PODNL1: variants seen among roughly 807,000 people sequenced by gnomAD.
PODNL1 encodes the protein podocan like 1, also known as podocan-like protein 1.
Under a neutral mutation model 45.1 loss-of-function variants are expected in PODNL1, and 50 were observed. The observed-to-expected ratio is 1.11, with a 90% CI of 0.88 to 1.40. The LOEUF (loss-of-function observed/expected upper bound fraction) is 1.40. PODNL1 is among the 40% of genes most tolerant of loss of function. PODNL1 has a pLI of 0.00. For missense variants in PODNL1, 788 were observed against 793.3 expected (o/e 0.99, Z 0.08); for synonymous variants, 406 against 372.5 (o/e 1.09, Z -1.04).
rs573192102 is a variant in PODNL1 at position 13,950,313 on chromosome 19, G to A, written c.18+2806C>T. On this transcript the variant is annotated intron_variant, in intron 1 of 7. Transcript: ENST00000538371. ...CTCCCGAGTGGCTGAAACTATAGGC[G>A]TGTGCCAGTAGAGTCAGTGAATTTC... 1.8e-4 allele frequency among the ~76,000 whole-genome samples: 27 copies of A among 152,242 alleles called. No homozygotes were observed. The South Asian group carries it at 4.6e-3, about 26-fold the overall frequency.
In PODNL1 at chr19:13,936,014, G is replaced by T. The variant is rs1002465907; in HGVS notation, c.350C>A (p.Thr117Asn). Residue 117 changes from threonine to asparagine, a missense_variant, in exon 4 of 10, where the codon ACC (threonine) becomes AAC (asparagine). Physicochemically the swap from Thr to Asn is moderately conservative, Grantham distance 65. Around this residue, in one of 3 missense-constraint regions of PODNL1, gnomAD observed 762 missense variants for 750.9 expected, o/e 1.01. Transcript: ENST00000588872. ...AGCCACGCAGAGGTGCTGCAGCTGGGTGAGGGACTCGAAGGCCTCGTCAGG... is the reference window on the plus strand; with the variant it reads ...AGCCACGCAGAGGTGCTGCAGCTGGTTGAGGGACTCGAAGGCCTCGTCAGG... ...GLPDEAFESL[T>N]QLQHLCVAHN... The T allele has an allele frequency of 6.4e-5, 99 of 1,552,858 alleles. No homozygotes were observed. Among genetic ancestry groups the T allele is most frequent in the Non-Finnish European group, 8.1e-5 (93 of 1,149,040 alleles).
intron 5 of PODNL1, 38 bp downstream of exon 5, chr19:13,935,681 GTA>G: frequency 7.1e-7 from 1 of 1,414,810 alleles, no homozygotes; most frequent in Non-Finnish European, 9.5e-7. Flanking sequence ...TGACACAGAT[GTA>G]TCTGAGGCCT....
At chr19:13,947,545 A>T (rs1972865123) in intron 1 of PODNL1, among the ~76,000 whole-genome samples, 1 of 152,160 alleles carries the variant, frequency 6.6e-6, no homozygotes, top group Non-Finnish European at 1.5e-5. Context: ...GTGTCCACCA[A>T]GAATTGGGGA....
chr19:13,937,862 T>C lies in PODNL1; in HGVS notation c.148A>G (p.Thr50Ala), dbSNP rs1483366014. 6.3e-7 allele frequency: 1 copy of C among 1,590,790 alleles called. No homozygotes were observed. The highest frequency in any genetic ancestry group is 1.8e-5 in the Admixed American group (1 of 55,222). ...PLRCSCPRVD[T>A]VDCDGLDLRV... ...AGGTCCAAGCCATCACAGTCCACAGTGTCGACTCGGGGGCAGGAGCAGCGC... is the reference window on the plus strand; with the variant it reads ...AGGTCCAAGCCATCACAGTCCACAGCGTCGACTCGGGGGCAGGAGCAGCGC... The change falls in exon 2 of 10, where the codon ACT becomes GCT. Residue 50 changes from threonine (T) to alanine (A), a missense_variant. Physicochemically the swap from Thr to Ala is moderately conservative, Grantham distance 58. Coordinates refer to ENST00000588872, the MANE Select transcript of PODNL1 (RefSeq NM_001370095.3).
At chr19:13,953,120 T>G (rs1486629647) in exon 1 of PODNL1, 2 of 1,549,922 alleles carry the variant, frequency 1.3e-6, no homozygotes, top group Admixed American at 3.9e-5. Flanking sequence ...TTCCAGTACC[T>G]GGGTGGGCCT....
At chr19:13,952,471 C>T (rs1973090861) in intron 1 of PODNL1, 1 of 1,246,642 alleles carries the variant, frequency 8.0e-7, no homozygotes, top group Non-Finnish European at 1.0e-6. Flanking sequence ...AGGGGTGGGG[C>T]GAAGGGGCCG....
Position 13,938,271 on chromosome 19 carries a change from G to A in PODNL1, c.-90C>T. The A allele has an allele frequency of 1.3e-6, 2 of 1,517,660 alleles. No individual in the cohort carries two copies. The highest frequency in any genetic ancestry group is 1.8e-6 in the Non-Finnish European group (2 of 1,134,528). The allele number at this position is 1,517,660 out of a possible 1,614,324, so 94.0% of individuals were successfully genotyped here. A position where few individuals can be genotyped will look rare whatever the true frequency, so the allele number is the denominator to read the frequency against. The stretch of plus-strand genomic sequence containing the variant: ...GGTCACCTCCTGGAGCCTCTGCTGT[G>A]GCCACCACCGCCCCCCATCTCCAGA... On this transcript the variant is annotated 5_prime_UTR_variant, in exon 1 of 10. Transcript: ENST00000588872.
chr19:13,932,198 C>A, intron 8 of PODNL1, 86 bp from the exon 9 acceptor site: 1 of 1,236,704 alleles, frequency 8.1e-7, no homozygotes, highest in Non-Finnish European at 1.0e-6. Context: ...CTGAGAGTCC[C>A]CTGCCCCCTT....
chr19:13,935,134 G>A (rs1382615921), intron 5 of PODNL1, among the ~76,000 whole-genome samples: 1 of 149,968 alleles, frequency 6.7e-6, no homozygotes, highest in Non-Finnish European at 1.5e-5. Flanking sequence ...GTGTATGTGA[G>A]TCTGTGTAAG....
chr19:13,933,244 G>T lies in PODNL1; in HGVS notation c.979C>A (p.Arg327=), dbSNP rs997881805. ...GSSGLPAGAL[R]PLRGLHTLHL... ...AGCGTGTGCAGGCCCCGCAGCGGCC[G>T]CAGAGCCCCGGCGGGCAGCCCTGAG... The change falls in exon 8 of 10, where the codon CGG becomes AGG. Residue 327 remains arginine, a synonymous_variant. Coordinates refer to ENST00000588872, the MANE Select transcript of PODNL1 (RefSeq NM_001370095.3). This position sits in a 1 kb window ranked among gnomAD's most constrained non-coding sequence, Gnocchi z 5.2. The T allele has an allele frequency of 4.5e-6, 7 of 1,546,250 alleles. No homozygotes were observed. Among genetic ancestry groups the T allele is most frequent in the East Asian group, 2.4e-5 (1 of 41,660 alleles).
At chr19:13,938,428 TC>T (rs945083054), upstream of PODNL1, 5 of 1,293,146 alleles carry the variant, frequency 3.9e-6, no homozygotes, top group South Asian at 2.7e-5. Flanking sequence ...GTCCCCTTGG[TC>T]CCCCCCAACA....
At chr19:13,936,167 A>T (rs912697894) in intron 3 of PODNL1, 123 bp from the exon 4 acceptor site, 22 of 978,598 alleles carry the variant, frequency 2.2e-5, no homozygotes, top group Non-Finnish European at 3.2e-5. Context: ...AGGCCCTCAG[A>T]TCCCCTCCTC....
Position 13,931,984 on chromosome 19 carries a change from G to A in PODNL1, c.1554C>T (p.Arg518=). The A allele has an allele frequency of 2.4e-6, 3 of 1,232,278 alleles. No individual in the cohort carries two copies. Among genetic ancestry groups the A allele is most frequent in the Non-Finnish European group, 3.0e-6 (3 of 988,086 alleles). The allele number at this position is 1,232,278 out of a possible 1,614,324, so 76.3% of individuals were successfully genotyped here. The change falls in exon 9 of 10, where the codon CGC becomes CGT. Residue 518 remains arginine (R), a synonymous_variant. Transcript: ENST00000588872. ...VGPEAFLSTP[R]LRALFLRANR... is the part of the protein sequence containing the mutation. ...GGCACCTGAGGAAGAGGGCACGCAG[G>A]CGGGGTGTGCTGAGGAAGGCCTCGG...
rs1328677201 is a variant in PODNL1, at chr19:13,931,856, C to G, written c.1606G>C (p.Ala536Pro). The G allele has an allele frequency of 8.1e-7, 1 of 1,231,974 alleles. No individual in the cohort carries two copies. The highest frequency in any genetic ancestry group is 1.0e-6 in the Non-Finnish European group (1 of 987,926). The allele number at this position is 1,231,974 out of a possible 1,614,324, so 76.3% of individuals were successfully genotyped here. The change falls in exon 10 of 10, where the codon GCT becomes CCT. Residue 536 changes from alanine (A) to proline (P), a missense_variant. Ala to Pro is a conservative substitution (Grantham distance 27, BLOSUM62 -1). Transcript: ENST00000588872. Reference protein sequence around the residue: ...ANRLHMTSIAAEAFLGLPNLR... With the variant: ...ANRLHMTSIAPEAFLGLPNLR... ...TTTGGGAGCCCCAGGAAGGCCTCAG[C>G]CGCGATGCTCGTCATGTGAAGCCTG...
upstream of PODNL1, among the ~76,000 whole-genome samples, chr19:13,941,911 G>C (rs1972667047): frequency 6.6e-6 from 1 of 152,180 alleles, no homozygotes; most frequent in Non-Finnish European, 1.5e-5. Flanking sequence ...TTCATGGGGT[G>C]AGACAGGAGA....
At position 13,949,524 on chromosome 19, in the gene PODNL1, A is replaced by G. The variant is rs1379029284; in HGVS notation, c.18+3595T>C. On this transcript the variant is annotated intron_variant, in intron 1 of 7. Transcript: ENST00000538371. Reference sequence around the variant, plus strand: ...AGAGACGAGGTCTTAACAGTTGCCGAGGCTGGTCAAATTCTTCTCAAGCCA... The same window carrying G: ...AGAGACGAGGTCTTAACAGTTGCCGGGGCTGGTCAAATTCTTCTCAAGCCA... The G allele has an allele frequency of 2.0e-5, 3 of 152,046 alleles. No individual in the cohort carries two copies. In the East Asian group the frequency reaches 5.8e-4, roughly 29 times the overall value. The allele number at this position is 152,046 out of a possible 1,614,324, so 9.4% of individuals were successfully genotyped here.
rs139038913 is a variant in PODNL1 at position 13,931,556 on chromosome 19, T to A, written c.*181A>T. The A allele has an allele frequency of 1.4e-3, 827 of 596,676 alleles. 6 individuals carry two copies. In the African/African-American group the frequency reaches 0.014, roughly 10 times the overall value. 37.0% of individuals were successfully genotyped at this position (596,676 alleles called of 1,614,324 possible). ...GGTGTGTCCCGCCAGGCCGGCGTGG[T>A]CTGTGAGCCTGGAGTATGCCAGCTG... On this transcript the variant is annotated 3_prime_UTR_variant, in exon 10 of 10. Transcript: ENST00000588872.
At chr19:13,941,744 T>C (rs1178049578), upstream of PODNL1, among the ~76,000 whole-genome samples, 2 of 151,844 alleles carry the variant, frequency 1.3e-5, no homozygotes, top group African/African-American at 2.4e-5. Context: ...ACCTGGGAGG[T>C]GGAGGTTGCA....
chr19:13,933,541 T>C lies in PODNL1; in HGVS notation c.768-86A>G, dbSNP rs1486341423. On this transcript the variant is annotated intron_variant, in intron 7 of 9. Transcript: ENST00000588872. This position sits in a 1 kb window ranked among gnomAD's most constrained non-coding sequence, Gnocchi z 5.2. ...TGGCGGGGAGGCTGGGGAGTGGTCC[T>C]GAGACAGATTTAAGCTGGAGATTTT... The C allele has an allele frequency of 4.4e-6, 6 of 1,369,210 alleles. No homozygotes were observed. The highest frequency in any genetic ancestry group is 5.9e-6 in the Non-Finnish European group (6 of 1,019,708). 84.8% of individuals were successfully genotyped at this position (1,369,210 alleles called of 1,614,324 possible).
Sources: gnomAD v4.1 joint callset for allele counts (sites outside exome capture counted in the v4.1 genomes callset) on GRCh38, gnomAD v4.1.1 for gene constraint, gnomAD v4.1.1 regional missense constraint, Gnocchi (gnomAD v3.1) non-coding constraint, MANE v1.5 for transcripts, NCBI Gene and HGNC (gene_info 2026-07-23, HGNC 2026-07-21) for gene names.